TYW1B: variants seen among roughly 807,000 people sequenced by gnomAD.
TYW1B encodes the protein S-adenosyl-L-methionine-dependent tRNA 4-demethylwyosine synthase TYW1B.
TYW1B carries 73 observed loss-of-function variants against 86.9 expected under a neutral mutation model. The ratio of observed to expected loss-of-function variants is 0.84; its 90% CI spans 0.70 to 1.02. The LOEUF is 1.02. TYW1B is among the 50% of genes least tolerant of loss of function. The pLI, the probability that TYW1B is intolerant of heterozygous loss-of-function variation, is 0.00. For synonymous variants in TYW1B, 248 were observed against 292.8 expected (o/e 0.85, Z 1.56); for missense variants, 637 against 827.4 (o/e 0.77, Z 2.82).
intron 10 of TYW1B, 79 bp from the exon 11 acceptor site, chr7:72,694,901 G>C: frequency 6.7e-7 from 1 of 1,499,828 alleles, no homozygotes; most frequent in Non-Finnish European, 8.9e-7. Context: ...ACCTGTAATA[G>C]ACATGGGTAT....
chr7:72,574,644 T>C lies in TYW1B; in HGVS notation c.*854A>G, dbSNP rs1810977505. Reference sequence around the variant, plus strand: ...AAACACCTGAACCTTATAGAACAGATTGTGTAAAGCAGCGAGGGCCACAGG... The same window carrying C: ...AAACACCTGAACCTTATAGAACAGACTGTGTAAAGCAGCGAGGGCCACAGG... On this transcript the variant is annotated 3_prime_UTR_variant, in exon 14 of 14. Coordinates refer to ENST00000620995, the MANE Select transcript of TYW1B (RefSeq NM_001145440.3). 1 of 985,436 alleles carries C rather than the reference T, an allele frequency of 1.0e-6. No individual in the cohort carries two copies. The highest frequency in any genetic ancestry group is 1.2e-6 in the Non-Finnish European group (1 of 829,936). The allele number at this position is 985,436 out of a possible 1,614,324, so 61.0% of individuals were successfully genotyped here.
At chr7:72,746,383 T>C (rs1787394413) in intron 7 of TYW1B, among the ~76,000 whole-genome samples, 1 of 152,180 alleles carries the variant, frequency 6.6e-6, no homozygotes, top group Non-Finnish European at 1.5e-5. Flanking sequence ...TAAATAGCAC[T>C]GAAAACCGAA....
chr7:72,727,432 T>C (rs1198832371), intron 9 of TYW1B, among the ~76,000 whole-genome samples: 1 of 152,170 alleles, frequency 6.6e-6, no homozygotes, highest in Non-Finnish European at 1.5e-5. Context: ...ATTCATCACC[T>C]ACAGCTGTTG....
At chr7:72,607,412 A>T (rs1554435066) in intron 13 of TYW1B, among the ~76,000 whole-genome samples, 2 of 150,652 alleles carry the variant, frequency 1.3e-5, no homozygotes, top group East Asian at 3.9e-4. Flanking sequence ...AAAAAAAAGA[A>T]AAGAAGAAGA....
chr7:72,605,339 GTTTT>G (rs797039028), intron 13 of TYW1B, among the ~76,000 whole-genome samples: 16 of 145,624 alleles, frequency 1.1e-4, no homozygotes, highest in Non-Finnish European at 2.1e-4. Flanking sequence ...GAATGTTGTG[GTTTT>G]TTTTTTGTTT....
At chr7:72,631,328 C>T (rs561266816) in intron 11 of TYW1B, among the ~76,000 whole-genome samples, 42 of 152,194 alleles carry the variant, frequency 2.8e-4, no homozygotes, top group African/African-American at 9.4e-4. Flanking sequence ...GCCTGGTCAA[C>T]GTGGTGAAAC....
chr7:72,764,286 A>C (rs1228364155), intron 7 of TYW1B, among the ~76,000 whole-genome samples: 6 of 152,062 alleles, frequency 3.9e-5, no homozygotes, highest in African/African-American at 1.4e-4. Flanking sequence ...TGACTTCAAC[A>C]AGTCCTTTTT....
intron 13 of TYW1B, among the ~76,000 whole-genome samples, chr7:72,605,408 C>T (rs1811770482): frequency 6.6e-6 from 1 of 150,632 alleles, no homozygotes; most frequent in Admixed American, 6.6e-5. Context: ...GGCTAGAGTG[C>T]AGTGGCGCAA....
chr7:72,782,127 A>C (rs1788059350), intron 6 of TYW1B, among the ~76,000 whole-genome samples: 1 of 152,102 alleles, frequency 6.6e-6, no homozygotes, highest in African/African-American at 2.4e-5. Context: ...CTACAAAAAA[A>C]AATTTTTTTT....
chr7:72,816,794 T>C (rs1788731762), intron 2 of TYW1B, among the ~76,000 whole-genome samples: 1 of 152,228 alleles, frequency 6.6e-6, no homozygotes, highest in Non-Finnish European at 1.5e-5. Flanking sequence ...GACTGTTGAC[T>C]TGGTGAACAT....
chr7:72,720,085 G>A (rs1359659525), intron 9 of TYW1B, among the ~76,000 whole-genome samples: 17 of 152,090 alleles, frequency 1.1e-4, no homozygotes, highest in African/African-American at 2.2e-4. Context: ...GAGGTGGCAC[G>A]ATAGTGGAGG....
Position 72,828,149 on chromosome 7 carries a change from G to T in TYW1B, c.-74C>A. ...AAGGTTCGCACTGGTACTGCGAGACGCACCGAGCTACCTCGCGGCGTTAGC... is the reference window on the plus strand; with the variant it reads ...AAGGTTCGCACTGGTACTGCGAGACTCACCGAGCTACCTCGCGGCGTTAGC... On this transcript the variant is annotated 5_prime_UTR_variant, in exon 1 of 14. Coordinates refer to ENST00000620995, the MANE Select transcript of TYW1B (RefSeq NM_001145440.3). 6.2e-7 allele frequency: 1 copy of T among 1,603,614 alleles called. No individual in the cohort carries two copies. Among genetic ancestry groups the T allele is most frequent in the South Asian group, 1.1e-5 (1 of 89,392 alleles).
intron 11 of TYW1B, among the ~76,000 whole-genome samples, chr7:72,683,760 A>G (rs781949448): frequency 1.3e-5 from 2 of 152,212 alleles, no homozygotes; most frequent in Non-Finnish European, 2.9e-5. Context: ...TTAAAGAGAT[A>G]GCACAAGCAT....
intron 13 of TYW1B, among the ~76,000 whole-genome samples, chr7:72,600,860 T>G (rs1158030731): frequency 6.6e-6 from 1 of 151,378 alleles, no homozygotes; most frequent in East Asian, 1.9e-4. Context: ...AGACCTTGTC[T>G]CTTAAAAAAA....
At chr7:72,782,120 C>CA (rs75481934) in intron 6 of TYW1B, among the ~76,000 whole-genome samples, 13 of 151,358 alleles carry the variant, frequency 8.6e-5, no homozygotes, top group African/African-American at 1.7e-4. Flanking sequence ...CCCAGCTCTA[C>CA]AAAAAAAAAT....
At position 72,807,167 on chromosome 7, in the gene TYW1B, C is replaced by T. The variant is rs1449924689; in HGVS notation, c.622G>A (p.Gly208Ser). 6.2e-6 allele frequency: 10 copies of T among 1,613,822 alleles called. No homozygotes were observed. The highest frequency in any genetic ancestry group is 1.1e-5 in the South Asian group (1 of 91,022). Residue 208 changes from glycine (G) to serine (S), a missense_variant, in exon 5 of 14, where the codon GGC (glycine) becomes AGC (serine). Gly to Ser is a moderately conservative substitution (Grantham distance 56). Transcript: ENST00000620995. Reference protein sequence around the residue: ...QKGERKKSCGGHCKKGKCESH... With the variant: ...QKGERKKSCGSHCKKGKCESH... ...TCACATTTGCCTTTCTTGCAGTGGC[C>T]GCCACAGGACTTCTTTCTCTCCCCT...
At position 72,604,334 on chromosome 7, in the gene TYW1B, C is replaced by T. The variant is rs192867820; in HGVS notation, c.1785+12338G>A. ...AAAAGTAGCCGGGCGTGGTGGCGTG[C>T]GCTTGTAATCCCAGCTACTCAGGAA... On this transcript the variant is annotated intron_variant, in intron 13 of 13. Coordinates refer to ENST00000620995, the MANE Select transcript of TYW1B (RefSeq NM_001145440.3). Among the ~76,000 whole-genome samples the T allele has an allele frequency of 2.5e-3, 373 of 151,996 alleles. 3 individuals carry two copies. The highest frequency in any genetic ancestry group is 2.5e-3 in the Admixed American group (38 of 15,254).
intron 13 of TYW1B, among the ~76,000 whole-genome samples, chr7:72,614,677 C>G (rs1445011871): frequency 1.3e-5 from 2 of 151,532 alleles, no homozygotes; most frequent in African/African-American, 4.8e-5. Context: ...TAGTACCTAC[C>G]TTGTAGGGAT....
At chr7:72,756,614 G>T (rs1177593557) in intron 7 of TYW1B, among the ~76,000 whole-genome samples, 5 of 152,112 alleles carry the variant, frequency 3.3e-5, no homozygotes, top group Non-Finnish European at 5.9e-5. Context: ...GGCAGAACAG[G>T]CTGAGAAAAG....
Sources: gnomAD v4.1 joint callset for allele counts (sites outside exome capture counted in the v4.1 genomes callset) on GRCh38, gnomAD v4.1.1 for gene constraint, MANE v1.5 for transcripts, NCBI Gene and HGNC (gene_info 2026-07-23, HGNC 2026-07-21) for gene names.